The following TGFBRAP1 variants were observed in gnomAD, a reference collection of about 807,000 sequenced individuals.
TGFBRAP1 encodes the protein transforming growth factor beta receptor associated protein 1.
TGFBRAP1 carries 20 observed loss-of-function variants against 83.2 expected under a neutral mutation model. That is an observed-to-expected ratio of 0.24 (90% CI 0.17 to 0.35). TGFBRAP1 has a LOEUF of 0.35. TGFBRAP1 is among the 10% of genes least tolerant of loss of function. TGFBRAP1 has a pLI of 1.00. For missense variants in TGFBRAP1, 950 were observed against 1,099.4 expected (o/e 0.86, Z 1.92); for synonymous variants, 415 against 459.8 (o/e 0.90, Z 1.25).
chr2:105,275,839 A>G lies in TGFBRAP1; in HGVS notation c.1522-136T>C, dbSNP rs542564813. On this transcript the variant is annotated intron_variant, in intron 7 of 11. Coordinates refer to ENST00000393359, the MANE Select transcript of TGFBRAP1 (RefSeq NM_004257.6). Reference sequence around the variant, plus strand: ...AATACCTTTTAAAGTAGTTGGAAAAACTGTAAATGCTTAAATTTTAGTTTT... The same window carrying G: ...AATACCTTTTAAAGTAGTTGGAAAAGCTGTAAATGCTTAAATTTTAGTTTT... 3.8e-5 allele frequency: 33 copies of G among 858,332 alleles called. No homozygotes were observed. The African/African-American group carries it at 5.7e-4, about 15-fold the overall frequency. 53.2% of individuals were successfully genotyped at this position (858,332 alleles called of 1,614,324 possible). A position where few individuals can be genotyped will look rare whatever the true frequency, so the allele number is the denominator to read the frequency against.
chr2:105,253,029 C>T, the TGFBRAP1 span, among the ~76,000 whole-genome samples: 1 of 152,328 alleles, frequency 6.6e-6, no homozygotes, highest in African/African-American at 2.4e-5. Context: ...GCTGGGATTA[C>T]AGGCGTGAGC....
rs770534140 is a variant in TGFBRAP1, at chr2:105,269,590, G to A, written c.2088C>T (p.Ala696=). 21 of 1,609,994 alleles carry A rather than the reference G, an allele frequency of 1.3e-5. 1 individual carries two copies. The highest frequency in any genetic ancestry group is 6.6e-5 in the South Asian group (6 of 90,716). The part of the protein sequence containing the change: ...LVHELQDFAA[A]EDYCLWCSEG... ...CGGAGCACCACAGGCAGTAGTCCTC[G>A]GCCGCTGCAAAGTCCTGCAGCTCGT... The change falls in exon 11 of 12, where the codon GCC becomes GCT. Residue 696 remains alanine, a synonymous_variant. Transcript: ENST00000393359. This position sits in a 1 kb window ranked among gnomAD's most constrained non-coding sequence, Gnocchi z 4.1.
In TGFBRAP1 at chr2:105,280,399, C is replaced by A. The variant is rs770488491; in HGVS notation, c.1446G>T (p.Trp482Cys). 6.8e-6 allele frequency: 11 copies of A among 1,613,510 alleles called. No homozygotes were observed. The East Asian group carries it at 2.0e-4, about 29-fold the overall frequency. ...ACACTCACTTTTTGTGCTTCTCTAGCCAGGCAGCACTGTCCGTCAGAAGAC... is the reference window on the plus strand; with the variant it reads ...ACACTCACTTTTTGTGCTTCTCTAGACAGGCAGCACTGTCCGTCAGAAGAC... ...NFCLLTDSAAWLEKHKKYFAL... is the reference protein window; with the variant it reads ...NFCLLTDSAACLEKHKKYFAL... The change falls in exon 6 of 12, where the codon TGG (tryptophan) becomes TGT (cysteine). Residue 482 changes from tryptophan (W) to cysteine (C), a missense_variant. Transcript: ENST00000393359.
At chr2:105,321,094 G>A (rs1193583516) in intron 1 of TGFBRAP1, among the ~76,000 whole-genome samples, 1 of 152,108 alleles carries the variant, frequency 6.6e-6, no homozygotes, top group Non-Finnish European at 1.5e-5. Context: ...CTTTAGGCGT[G>A]AGTATCTTTC....
At position 105,308,294 on chromosome 2, in the gene TGFBRAP1, CTCA is replaced by C; in HGVS notation, c.5_7del (p.Met2del). The C allele has an allele frequency of 1.2e-6, 2 of 1,605,386 alleles. No homozygotes were observed. Among genetic ancestry groups the C allele is most frequent in the Admixed American group, 1.7e-5 (1 of 59,796 alleles). On this transcript the variant is annotated inframe_deletion, in exon 2 of 12. Coordinates refer to ENST00000393359, the MANE Select transcript of TGFBRAP1 (RefSeq NM_004257.6). ...AGAGACAAGCGTAAAGGCTTTGATG[CTCA>C]TCATGTCTACTGGCTGATCTGCTGG... is the stretch of plus-strand genomic sequence containing the variant.
At chr2:105,304,297 G>A (rs1678411378) in intron 2 of TGFBRAP1, among the ~76,000 whole-genome samples, 1 of 152,142 alleles carries the variant, frequency 6.6e-6, no homozygotes, top group African/African-American at 2.4e-5. Flanking sequence ...CTGATGCTAG[G>A]TGATGTCTCT....
intron 2 of TGFBRAP1, among the ~76,000 whole-genome samples, chr2:105,299,254 C>T (rs113067541): frequency 0.091 from 13,902 of 152,186 alleles, 803 homozygotes; most frequent in Non-Finnish European, 0.13. Context: ...GTACTCCAGC[C>T]TGGGCGACAG....
At chr2:105,284,254 C>T (rs1483494596) in intron 5 of TGFBRAP1, 62 bp downstream of exon 5, 49 of 1,514,970 alleles carry the variant, frequency 3.2e-5, no homozygotes, top group East Asian at 6.8e-5. Context: ...ACACCAGAAA[C>T]GCAGGTTCTG....
intron 3 of TGFBRAP1, 70 bp from the exon 4 acceptor site, chr2:105,296,580 C>G: frequency 6.5e-7 from 1 of 1,530,652 alleles, no homozygotes; most frequent in South Asian, 1.2e-5. Context: ...ACTGCTTTCC[C>G]CAAACTGGAT....
intron 1 of TGFBRAP1, among the ~76,000 whole-genome samples, chr2:105,319,337 C>G: frequency 6.7e-6 from 1 of 150,266 alleles, no homozygotes; most frequent in Middle Eastern, 3.5e-3. Context: ...GTTGCAATTA[C>G]AGGCGTGAGC....
chr2:105,304,617 T>C (rs1678430277), intron 2 of TGFBRAP1, among the ~76,000 whole-genome samples: 1 of 152,180 alleles, frequency 6.6e-6, no homozygotes. Context: ...ACCCCATCTC[T>C]ACTAAGAACA....
the TGFBRAP1 span, among the ~76,000 whole-genome samples, chr2:105,252,616 T>C: frequency 6.6e-6 from 1 of 152,228 alleles, no homozygotes. Context: ...TCTAAATCTC[T>C]GTTATACTTC....
At chr2:105,310,989 A>G (rs1368230053) in intron 1 of TGFBRAP1, among the ~76,000 whole-genome samples, 1 of 152,174 alleles carries the variant, frequency 6.6e-6, no homozygotes, top group Non-Finnish European at 1.5e-5. Context: ...TAGCTTCTTA[A>G]AAGTATAATA....
chr2:105,277,317 G>C (rs1244573451), intron 7 of TGFBRAP1, among the ~76,000 whole-genome samples: 1 of 152,094 alleles, frequency 6.6e-6, no homozygotes, highest in Non-Finnish European at 1.5e-5. Context: ...TTCTGATAAG[G>C]GTAGTGATAT....
the TGFBRAP1 span, among the ~76,000 whole-genome samples, chr2:105,253,121 G>GC: frequency 6.6e-6 from 1 of 151,506 alleles, no homozygotes; most frequent in African/African-American, 2.4e-5. Context: ...ATGAATAAAT[G>GC]CCCCTTAGTT....
Position 105,264,853 on chromosome 2 carries a change from T to A in TGFBRAP1, c.*2530A>T, listed in dbSNP as rs1676867893. 1 of 152,194 alleles carries A rather than the reference T, an allele frequency of 6.6e-6. No homozygotes were observed. Among genetic ancestry groups the A allele is most frequent in the Admixed American group, 6.5e-5 (1 of 15,292 alleles). 9.4% of individuals were successfully genotyped at this position (152,194 alleles called of 1,614,324 possible). A position where few individuals can be genotyped will look rare whatever the true frequency, so the allele number is the denominator to read the frequency against. On this transcript the variant is annotated 3_prime_UTR_variant, in exon 12 of 12. Coordinates refer to ENST00000393359, the MANE Select transcript of TGFBRAP1 (RefSeq NM_004257.6). ...GTTCATGCTGTTTTAACCAGAATGG[T>A]TCCACTGAACCTAATGAGGGGAAAA...
intron 10 of TGFBRAP1, among the ~76,000 whole-genome samples, chr2:105,270,952 A>C (rs920313969): frequency 6.6e-6 from 1 of 152,254 alleles, no homozygotes; most frequent in Non-Finnish European, 1.5e-5. Context: ...CATTTCCCCA[A>C]GTCATCTAAC....
chr2:105,307,638 G>A lies in TGFBRAP1; in HGVS notation c.664C>T (p.Leu222=). Residue 222 remains leucine, a synonymous_variant, in exon 2 of 12, where the codon CTG becomes TTG. Coordinates refer to ENST00000393359, the MANE Select transcript of TGFBRAP1 (RefSeq NM_004257.6). The stretch of plus-strand genomic sequence containing the variant: ...CCCAGCCCTCCGGGGCCCGCCAGCA[G>A]GAACTCCTGTCTCCCTATCCTCTTG... ...IVKRIGRQEF[L]LAGPGGLGMF... The A allele has an allele frequency of 1.2e-6, 2 of 1,612,686 alleles. No homozygotes were observed. The highest frequency in any genetic ancestry group is 1.7e-6 in the Non-Finnish European group (2 of 1,179,232).
intron 1 of TGFBRAP1, among the ~76,000 whole-genome samples, chr2:105,318,073 C>G (rs976560360): frequency 2.0e-5 from 3 of 152,174 alleles, no homozygotes; most frequent in Non-Finnish European, 4.4e-5. Flanking sequence ...ACCTAGGAAG[C>G]CCCTGCCATG....
Sources: allele counts gnomAD v4.1 joint callset (sites outside exome capture counted in the v4.1 genomes callset), GRCh38; gene constraint gnomAD v4.1.1; non-coding constraint Gnocchi (gnomAD v3.1); transcripts MANE v1.5; gene names NCBI Gene and HGNC (gene_info 2026-07-23, HGNC 2026-07-21).